CERS6: variants seen among roughly 807,000 people sequenced by gnomAD.
The protein encoded by CERS6 is ceramide synthase 6.
In CERS6, 26 loss-of-function variants were observed where a neutral mutation model predicts 56.8. That is an observed-to-expected ratio of 0.46 (90% CI 0.34 to 0.63). The LOEUF is 0.63. Among genes scored for constraint, CERS6 ranks in the 30% least tolerant of loss-of-function variants. CERS6 has a pLI of 0.01. For missense variants in CERS6, 415 were observed against 467.5 expected, an observed-to-expected ratio of 0.89 and a Z score of 1.04; for synonymous variants, 164 against 173.3, an observed-to-expected ratio of 0.95 and a Z score of 0.42.
At chr2:168,631,675 ATATTT>A in intron 4 of CERS6, among the ~76,000 whole-genome samples, 1 of 71,000 alleles carries the variant, frequency 1.4e-5, no homozygotes, top group Non-Finnish European at 2.7e-5. Context: ...TTTTATATTT[ATATTT>A]ATATTTATAT....
chr2:168,524,334 A>G (rs1695033297), intron 1 of CERS6, among the ~76,000 whole-genome samples: 1 of 152,212 alleles, frequency 6.6e-6, no homozygotes, highest in South Asian at 2.1e-4. Context: ...TTTTCCATAC[A>G]ATTAGAGAAG....
intron 1 of CERS6, among the ~76,000 whole-genome samples, chr2:168,544,486 T>C (rs138804108): frequency 1.3e-5 from 2 of 152,252 alleles, no homozygotes; most frequent in Non-Finnish European, 2.9e-5. Context: ...CCTGCTCTCT[T>C]GGGGGCCCCA....
At chr2:168,506,726 TGTA>T (rs1429381357) in intron 1 of CERS6, among the ~76,000 whole-genome samples, 1 of 152,176 alleles carries the variant, frequency 6.6e-6, no homozygotes, top group East Asian at 1.9e-4. Context: ...AGGCTAGAGA[TGTA>T]GTAACTTTCA....
chr2:168,528,922 G>A (rs1323189282), intron 1 of CERS6, among the ~76,000 whole-genome samples: 3 of 152,144 alleles, frequency 2.0e-5, no homozygotes, highest in African/African-American at 4.8e-5. Context: ...TCAAATAAAC[G>A]ATTGTGACAA....
chr2:168,724,871 G>A (rs1313760628), intron 8 of CERS6, among the ~76,000 whole-genome samples: 1 of 152,258 alleles, frequency 6.6e-6, no homozygotes, highest in East Asian at 1.9e-4. Context: ...AGGTGGAGCT[G>A]CCTGCCAGTC....
intron 8 of CERS6, among the ~76,000 whole-genome samples, chr2:168,741,567 G>A (rs1447035373): frequency 6.6e-6 from 1 of 152,138 alleles, no homozygotes; most frequent in East Asian, 1.9e-4. Flanking sequence ...TTATGAATTT[G>A]TGTTGGGCTG....
intron 3 of CERS6, among the ~76,000 whole-genome samples, chr2:168,585,978 C>G (rs183309095): frequency 6.6e-6 from 1 of 152,180 alleles, no homozygotes; most frequent in African/African-American, 2.4e-5. Context: ...TTGCTAATGG[C>G]AGGTTAAGAT....
intron 1 of CERS6, among the ~76,000 whole-genome samples, chr2:168,465,651 G>T (rs930173039): frequency 1.3e-5 from 2 of 152,170 alleles, no homozygotes; most frequent in African/African-American, 4.8e-5. Context: ...AATACTGTAG[G>T]ATCCTACTTA....
Position 168,685,010 on chromosome 2 carries a change from AGT to A in CERS6, c.466-6021_466-6020del, listed in dbSNP as rs548728830. ...TTCTCAGAGTAGTTTTAGTGAAAGT[AGT>A]GTCAAAGTAGTTTAAGAATCTAGGT... On this transcript the variant is annotated intron_variant, in intron 4 of 9. Coordinates refer to ENST00000305747, the MANE Select transcript of CERS6 (RefSeq NM_203463.3). Among the ~76,000 whole-genome samples the A allele has an allele frequency of 2.2e-3, 328 of 152,330 alleles. 1 individual carries two copies. The highest frequency in any genetic ancestry group is 3.7e-3 in the Non-Finnish European group (249 of 68,022).
chr2:168,488,243 A>G (rs1324418916), intron 1 of CERS6, among the ~76,000 whole-genome samples: 1 of 152,204 alleles, frequency 6.6e-6, no homozygotes, highest in Non-Finnish European at 1.5e-5. Context: ...AACACAGCTT[A>G]ATACTCTGGT....
Position 168,690,198 on chromosome 2 carries a change from A to G in CERS6, c.466-836A>G, listed in dbSNP as rs78651414. On this transcript the variant is annotated intron_variant, in intron 4 of 9. Transcript: ENST00000305747. ...TGTTGGCAGATTAATCTTAAGAAAC[A>G]TATAGATGTATATCAAATGTATATA... Among the ~76,000 whole-genome samples the G allele has an allele frequency of 7.6e-3, 1,158 of 152,292 alleles. 25 individuals carry two copies. Among genetic ancestry groups the G allele is most frequent in the African/African-American group, 0.026 (1,065 of 41,576 alleles).
intron 4 of CERS6, among the ~76,000 whole-genome samples, chr2:168,665,694 A>AC (rs759181069): frequency 6.8e-6 from 1 of 147,082 alleles, no homozygotes; most frequent in Non-Finnish European, 1.5e-5. Context: ...GTATCTTTAC[A>AC]TGTTCACTGC....
At chr2:168,732,466 T>C (rs1207290190) in intron 8 of CERS6, among the ~76,000 whole-genome samples, 1 of 152,220 alleles carries the variant, frequency 6.6e-6, no homozygotes, top group Non-Finnish European at 1.5e-5. Flanking sequence ...TAATTCAATC[T>C]AATATAGTAT....
intron 3 of CERS6, among the ~76,000 whole-genome samples, chr2:168,601,487 T>G (rs1200489693): frequency 6.6e-6 from 1 of 152,130 alleles, no homozygotes; most frequent in Non-Finnish European, 1.5e-5. Flanking sequence ...GTTTTCATAG[T>G]CCAGCCATCT....
At chr2:168,642,937 G>T (rs1475460676) in intron 4 of CERS6, among the ~76,000 whole-genome samples, 1 of 152,170 alleles carries the variant, frequency 6.6e-6, no homozygotes, top group South Asian at 2.1e-4. Context: ...TTGATTAGGG[G>T]GTTAAGAGTA....
chr2:168,734,432 G>A (rs1683650914), intron 8 of CERS6, among the ~76,000 whole-genome samples: 3 of 152,062 alleles, frequency 2.0e-5, no homozygotes, highest in Admixed American at 2.0e-4. Context: ...ACATGTCCTT[G>A]GTATAATTTA....
At chr2:168,738,664 G>A (rs1412721247) in intron 8 of CERS6, among the ~76,000 whole-genome samples, 1 of 152,128 alleles carries the variant, frequency 6.6e-6, no homozygotes, top group East Asian at 1.9e-4. Context: ...TTTATAAGTT[G>A]TTGGTCAAAG....
chr2:168,585,681 T>A (rs1263132874), intron 3 of CERS6, among the ~76,000 whole-genome samples: 1 of 152,128 alleles, frequency 6.6e-6, no homozygotes, highest in Non-Finnish European at 1.5e-5. Context: ...CCCTAGGGTT[T>A]GAGGAAAAAA....
chr2:168,573,124 A>C (rs1446494555), intron 3 of CERS6, among the ~76,000 whole-genome samples: 2 of 152,166 alleles, frequency 1.3e-5, no homozygotes, highest in African/African-American at 4.8e-5. Flanking sequence ...GGGCACCAAA[A>C]TTTCACAGAT....
Sources: allele counts gnomAD v4.1 joint callset (sites outside exome capture counted in the v4.1 genomes callset), GRCh38; gene constraint gnomAD v4.1.1; transcripts MANE v1.5; gene names NCBI Gene and HGNC (gene_info 2026-07-23, HGNC 2026-07-21).